LCOR: variants seen among roughly 807,000 people sequenced by gnomAD.
The protein encoded by LCOR is ligand dependent nuclear receptor corepressor, also known as ligand-dependent corepressor.
LCOR carries 14 observed loss-of-function variants against 64.4 expected under a neutral mutation model. The observed-to-expected ratio is 0.22, with a 90% CI of 0.14 to 0.34. The LOEUF is 0.34. Ranked by LOEUF, LCOR falls within the 10% of genes least tolerant of loss-of-function variation. LCOR has a pLI of 1.00. For missense variants in LCOR, 1,686 were observed against 1,765.3 expected, an observed-to-expected ratio of 0.96 and a Z score of 0.80; for synonymous variants, 643 against 642.5, an observed-to-expected ratio of 1.00 and a Z score of -0.01.
chr10:96,926,675 A>G (rs528452091), intron 4 of LCOR, among the ~76,000 whole-genome samples: 1 of 152,276 alleles, frequency 6.6e-6, no homozygotes, highest in South Asian at 2.1e-4. Flanking sequence ...CATTTCCCTC[A>G]CCCTAAGAAG....
chr10:96,832,602 C>G (rs1225366878), intron 1 of LCOR, among the ~76,000 whole-genome samples: 2 of 148,404 alleles, frequency 1.3e-5, no homozygotes. Context: ...GAGCGCGCGC[C>G]GGCCCCTCCC....
chr10:96,837,264 A>G (rs909970024), intron 2 of LCOR, among the ~76,000 whole-genome samples: 5 of 151,888 alleles, frequency 3.3e-5, no homozygotes, highest in Admixed American at 6.6e-5. Context: ...TGCTGGGATT[A>G]CAGGCATGAG....
chr10:96,938,499 A>T (rs1278525024), intron 4 of LCOR, among the ~76,000 whole-genome samples: 1 of 152,138 alleles, frequency 6.6e-6, no homozygotes, highest in African/African-American at 2.4e-5. Context: ...CACTCTCACC[A>T]TGTACATCCA....
At chr10:96,958,464 G>T in intron 7 of LCOR, 1 of 1,032,494 alleles carries the variant, frequency 9.7e-7, no homozygotes, top group Non-Finnish European at 1.5e-6. Context: ...TAATGCTGCA[G>T]TTTAAGAGAA....
At chr10:96,889,182 C>G (rs1459078807) in intron 2 of LCOR, among the ~76,000 whole-genome samples, 1 of 152,148 alleles carries the variant, frequency 6.6e-6, no homozygotes, top group Non-Finnish European at 1.5e-5. Context: ...CCATAATATC[C>G]TTTATGTCTG....
At chr10:96,890,381 C>T (rs144094232) in intron 2 of LCOR, among the ~76,000 whole-genome samples, 9 of 152,208 alleles carry the variant, frequency 5.9e-5, no homozygotes, top group Non-Finnish European at 1.2e-4. Flanking sequence ...CACCCCTGCC[C>T]AGCCTAAAAC....
At position 96,861,566 on chromosome 10, in the gene LCOR, C is replaced by T. The variant is rs938179629; in HGVS notation, c.-330+28087C>T. ...CTTTTCTCTTTCTTTTTTTTTGAGA[C>T]AGGGTGTCTCACTCTGTCACCCAGG... is the stretch of plus-strand genomic sequence containing the variant. On this transcript the variant is annotated intron_variant, in intron 2 of 7. Transcript: ENST00000421806. Among the ~76,000 whole-genome samples the T allele has an allele frequency of 5.3e-5, 8 of 151,676 alleles. No homozygotes were observed. The East Asian group carries it at 1.5e-3, about 29-fold the overall frequency.
intron 4 of LCOR, among the ~76,000 whole-genome samples, chr10:96,922,199 A>C (rs919722924): frequency 1.3e-5 from 2 of 151,982 alleles, no homozygotes; most frequent in African/African-American, 4.8e-5. Context: ...ATATTTTTAA[A>C]AATAAAATTT....
chr10:96,943,104 T>TTTTG (rs55690799), intron 4 of LCOR, among the ~76,000 whole-genome samples: 125,064 of 151,056 alleles, frequency 0.83, 52,417 homozygotes, highest in African/African-American at 0.96. Context: ...ACCTACTTTT[T>TTTTG]TTTGTTTGTT....
chr10:96,863,154 A>G (rs1275269760), intron 2 of LCOR, among the ~76,000 whole-genome samples: 1 of 148,616 alleles, frequency 6.7e-6, no homozygotes, highest in African/African-American at 2.5e-5. Flanking sequence ...GAGTGCTGGG[A>G]TTAGAGATGT....
At chr10:96,887,681 CTTTTT>C (rs369996836) in intron 2 of LCOR, among the ~76,000 whole-genome samples, 1 of 144,000 alleles carries the variant, frequency 6.9e-6, no homozygotes, top group Middle Eastern at 3.5e-3. Flanking sequence ...AAACTAGCTA[CTTTTT>C]TTTTTTTTTT....
intron 6 of LCOR, among the ~76,000 whole-genome samples, chr10:96,949,881 G>A (rs528819422): frequency 3.9e-5 from 6 of 152,196 alleles, no homozygotes; most frequent in Non-Finnish European, 8.8e-5. Flanking sequence ...TAACTTGAAA[G>A]TATTTCCAAA....
chr10:96,864,323 CAAAT>C (rs1204248150), intron 2 of LCOR, among the ~76,000 whole-genome samples: 3 of 152,106 alleles, frequency 2.0e-5, no homozygotes, highest in Admixed American at 2.0e-4. Flanking sequence ...TGTTCTCTGT[CAAAT>C]AAAGGTGTAT....
At chr10:96,927,394 G>C (rs946857965) in intron 4 of LCOR, among the ~76,000 whole-genome samples, 4 of 151,484 alleles carry the variant, frequency 2.6e-5, no homozygotes, top group Admixed American at 6.6e-5. Flanking sequence ...CCTTTGGTCA[G>C]GTATGTTATA....
chr10:96,891,454 G>A (rs1846438164), intron 2 of LCOR, among the ~76,000 whole-genome samples: 1 of 123,184 alleles, frequency 8.1e-6, no homozygotes, highest in African/African-American at 3.4e-5. Flanking sequence ...GAGAAATTTT[G>A]GGTTCATTGA....
rs564927447 is a variant in LCOR at position 96,937,346 on chromosome 10, A to G, written c.-183-6767A>G. Among the ~76,000 whole-genome samples the G allele has an allele frequency of 4.6e-5, 7 of 152,326 alleles. No homozygotes were observed. The South Asian group carries it at 1.2e-3, about 27-fold the overall frequency. On this transcript the variant is annotated intron_variant, in intron 4 of 7. Transcript: ENST00000421806. ...CCCTAATTTTGGGTGCCTGGACTCC[A>G]GAGCTGTGAGAGAATAAATCTCTGC...
At chr10:96,957,978 TTATGAAATA>T in intron 7 of LCOR, 3 of 989,384 alleles carry the variant, frequency 3.0e-6, no homozygotes, top group Non-Finnish European at 3.6e-6. Context: ...TAAAAATTCC[TTATGAAATA>T]TATGGTTTTC....
At chr10:96,964,185 C>T (rs1263077058) in intron 7 of LCOR, 1 of 149,934 alleles carries the variant, frequency 6.7e-6, no homozygotes, top group Non-Finnish European at 1.5e-5. Flanking sequence ...TGGACTAAAA[C>T]TGTGTCTTAA....
intron 4 of LCOR, among the ~76,000 whole-genome samples, chr10:96,913,508 A>G (rs1846882837): frequency 6.6e-6 from 1 of 152,220 alleles, no homozygotes; most frequent in African/African-American, 2.4e-5. Context: ...TGGATGATTC[A>G]CTAAGGATGA....
Sources: allele counts gnomAD v4.1 joint callset (sites outside exome capture counted in the v4.1 genomes callset), GRCh38; gene constraint gnomAD v4.1.1; transcripts MANE v1.5; gene names NCBI Gene and HGNC (gene_info 2026-07-23, HGNC 2026-07-21).